The following DBN1 variants were observed in gnomAD, a reference collection of about 807,000 sequenced individuals.
DBN1 encodes the protein drebrin 1.
In DBN1, 21 loss-of-function variants were observed where a neutral mutation model predicts 83.5. That is an observed-to-expected ratio of 0.25 (90% confidence interval 0.18 to 0.36). The LOEUF (loss-of-function observed/expected upper bound fraction) is 0.36. DBN1 is among the 10% of genes least tolerant of loss of function. The probability of loss-of-function intolerance (pLI) is 1.00; values close to 1 mark genes in which losing one functional copy is unlikely to be tolerated. For missense variants in DBN1, 874 were observed against 935.7 expected (o/e 0.93, Z 0.86); for synonymous variants, 381 against 384.9 (o/e 0.99, Z 0.12).
At chr5:177,462,686 AGGT>A (rs1757136335) in intron 8 of DBN1, among the ~76,000 whole-genome samples, 1 of 152,188 alleles carries the variant, frequency 6.6e-6, no homozygotes, top group Non-Finnish European at 1.5e-5. Flanking sequence ...GGGGCTGCTA[AGGT>A]GGTGAAGTCC....
intron 8 of DBN1, among the ~76,000 whole-genome samples, chr5:177,461,584 A>G (rs1451862710): frequency 6.6e-6 from 1 of 152,040 alleles, no homozygotes; most frequent in African/African-American, 2.4e-5. Flanking sequence ...GCTCATCCCC[A>G]TATCTAAGCA....
At chr5:177,463,279 C>G (rs1016523719) in intron 8 of DBN1, among the ~76,000 whole-genome samples, 1 of 152,164 alleles carries the variant, frequency 6.6e-6, no homozygotes, top group African/African-American at 2.4e-5. Context: ...CCTCATGATC[C>G]GCCTGCCTTG....
chr5:177,466,706 C>T lies in DBN1; in HGVS notation c.771+66G>A. 10 of 1,572,562 alleles carry T rather than the reference C, an allele frequency of 6.4e-6. No homozygotes were observed. In the South Asian group the frequency reaches 1.1e-4, roughly 17 times the overall value. Reference sequence around the variant, plus strand: ...TGAGCCACTGATCTCCCCACAAGGCCCAGGAACACAGGGACCATTCTCACT... The same window carrying T: ...TGAGCCACTGATCTCCCCACAAGGCTCAGGAACACAGGGACCATTCTCACT... On this transcript the variant is annotated intron_variant, in intron 8 of 14. Coordinates refer to ENST00000393565, the MANE Select transcript of DBN1 (RefSeq NM_001363541.2). The surrounding 1 kb of genome is among the most constrained non-coding windows in gnomAD (Gnocchi z 4.8).
At position 177,468,872 on chromosome 5, in the gene DBN1, G is replaced by T; in HGVS notation, c.114C>A (p.Ser38=). Residue 38 remains serine, a synonymous_variant, in exon 2 of 15, where the codon TCC becomes TCA. Transcript: ENST00000393565. ...CTGATGCTGCAAGCTTGAGGTCATC[G>T]GAGCCATCTTCATATGTGTACAGAG... ...DWALYTYEDG[S]DDLKLAASGE... is the part of the protein sequence containing the mutation. 7.6e-7 allele frequency: 1 copy of T among 1,321,030 alleles called. No homozygotes were observed. The highest frequency in any genetic ancestry group is 1.5e-5 in the African/African-American group (1 of 66,524). 81.8% of individuals were successfully genotyped at this position (1,321,030 alleles called of 1,614,324 possible).
chr5:177,469,579 G>A (rs1005830973), intron 1 of DBN1, among the ~76,000 whole-genome samples: 1 of 152,226 alleles, frequency 6.6e-6, no homozygotes, highest in African/African-American at 2.4e-5. Flanking sequence ...CCAGCCCCTA[G>A]GCTGCCTCAG....
chr5:177,461,682 A>G (rs1023634138), intron 8 of DBN1, among the ~76,000 whole-genome samples: 1 of 152,004 alleles, frequency 6.6e-6, no homozygotes, highest in African/African-American at 2.4e-5. Context: ...CATGCTCCCA[A>G]TGTTGCTGCC....
At chr5:177,470,366 G>A (rs901948243) in intron 1 of DBN1, among the ~76,000 whole-genome samples, 1 of 152,180 alleles carries the variant, frequency 6.6e-6, no homozygotes. Flanking sequence ...AGAGACTGCT[G>A]TAGACATCAA....
rs546603737 is a variant in DBN1 at position 177,471,245 on chromosome 5, G to A, written c.86+2191C>T. Among the ~76,000 whole-genome samples, 13 of 152,232 alleles carry A rather than the reference G, an allele frequency of 8.5e-5. No homozygotes were observed. The East Asian group carries it at 2.3e-3, about 27-fold the overall frequency. Reference sequence around the variant, plus strand: ...ACTCTCAGGATGGTGGTGCTAGAAAGGCCTTCAGTATCCGAGGTAGTGCTG... The same window carrying A: ...ACTCTCAGGATGGTGGTGCTAGAAAAGCCTTCAGTATCCGAGGTAGTGCTG... On this transcript the variant is annotated intron_variant, in intron 1 of 14. Transcript: ENST00000393565.
intron 8 of DBN1, 145 bp from the exon 9 acceptor site, chr5:177,460,848 C>T (rs1028696124): frequency 2.1e-5 from 16 of 772,630 alleles, no homozygotes; most frequent in East Asian, 5.4e-5. Flanking sequence ...GGTACAATCA[C>T]GGCTCACTGC....
chr5:177,468,336 T>A, intron 2 of DBN1, 116 bp from the exon 3 acceptor site: 4 of 850,938 alleles, frequency 4.7e-6, no homozygotes, highest in Non-Finnish European at 5.8e-6. Flanking sequence ...AGGGGTCTTC[T>A]GGCCTCTGGG....
Position 177,458,472 on chromosome 5 carries a change from T to G in DBN1, c.1500A>C (p.Glu500Asp). 1.9e-6 allele frequency: 3 copies of G among 1,613,718 alleles called. No homozygotes were observed. Among genetic ancestry groups the G allele is most frequent in the Non-Finnish European group, 2.5e-6 (3 of 1,179,618 alleles). The change falls in exon 13 of 15, where the codon GAA (glutamate) becomes GAC (aspartate). Residue 500 changes from glutamate (E) to aspartate (D), a missense_variant. This residue lies in a region of DBN1 where 725 missense variants were observed against 719.7 expected (regional missense o/e 1.01). Coordinates refer to ENST00000393565, the MANE Select transcript of DBN1 (RefSeq NM_001363541.2). ...TEIHDAADTIETDTATADTTV... is the reference protein window; with the variant it reads ...TEIHDAADTIDTDTATADTTV... ...TGGTGTCAGCAGTGGCAGTGTCAGT[T>G]TCAATGGTGTCAGCTGCATCGTGGA...
At position 177,467,182 on chromosome 5, in the gene DBN1, AG is replaced by A. The variant is rs1757506352; in HGVS notation, c.555+72del. 1 of 1,606,736 alleles carries A rather than the reference AG, an allele frequency of 6.2e-7. No individual in the cohort carries two copies. The highest frequency in any genetic ancestry group is 1.1e-5 in the South Asian group (1 of 90,946). ...CACGTGGCATGGGCCATGCCACTGC[AG>A]TGAGGGACTCAGACCTGCCCCATGG... is the stretch of plus-strand genomic sequence containing the variant. On this transcript the variant is annotated intron_variant, in intron 6 of 14. Coordinates refer to ENST00000393565, the MANE Select transcript of DBN1 (RefSeq NM_001363541.2). This position sits in a 1 kb window ranked among gnomAD's most constrained non-coding sequence, Gnocchi z 9.1.
Position 177,466,954 on chromosome 5 carries a change from C to G in DBN1, c.664G>C (p.Glu222Gln). The G allele has an allele frequency of 6.2e-7, 1 of 1,612,834 alleles. No individual in the cohort carries two copies. Among genetic ancestry groups the G allele is most frequent in the Non-Finnish European group, 8.5e-7 (1 of 1,179,814 alleles). Residue 222 changes from glutamate (E) to glutamine (Q), a missense_variant, in exon 7 of 15, where the codon GAG becomes CAG. Physicochemically the swap from Glu to Gln is conservative, Grantham distance 29. Coordinates refer to ENST00000393565, the MANE Select transcript of DBN1 (RefSeq NM_001363541.2). The surrounding 1 kb of genome is among the most constrained non-coding windows in gnomAD (Gnocchi z 4.8). ...TGCTCCCGCTCCCGGTAGCGCCGCT[C>G]GCGCTCCTCTTGCTCCTGCCGCTCC... ...EQERQEQEER[E>Q]RRYREREQQI...
intron 1 of DBN1, chr5:177,472,500 C>A (rs1397907672): frequency 4.0e-6 from 4 of 1,000,766 alleles, no homozygotes; most frequent in Non-Finnish European, 5.2e-6. Flanking sequence ...AGCCCCAGAG[C>A]AGGTGGTCCA....
In DBN1 at chr5:177,459,637, G is replaced by A. The variant is rs1327749598; in HGVS notation, c.1059C>T (p.Cys353=). ...AGGAAGAGAGGTTTGGGGTGCGGTG[G>A]CAGGTGATATAGGGAAAGGGAGTCC... ...PPRTPFPYIT[C]HRTPNLSSSL... is the part of the protein sequence containing the mutation. The change falls in exon 11 of 15, where the codon TGC becomes TGT. Residue 353 remains cysteine, a synonymous_variant. Transcript: ENST00000393565. 5 of 1,576,058 alleles carry A rather than the reference G, an allele frequency of 3.2e-6. No homozygotes were observed. Among genetic ancestry groups the A allele is most frequent in the African/African-American group, 1.4e-5 (1 of 73,968 alleles).
chr5:177,472,537 A>T (rs1238985583), intron 1 of DBN1: 11 of 684,810 alleles, frequency 1.6e-5, no homozygotes, highest in Admixed American at 1.1e-4. Context: ...AGCGGGAGAC[A>T]ACAGCTGGGG....
At position 177,461,382 on chromosome 5, in the gene DBN1, G is replaced by A. The variant is rs960231809; in HGVS notation, c.772-679C>T. Reference sequence around the variant, plus strand: ...CAAAGTGCTGGGATTACAGGCGTGAGCCACCGCGCCCGGCCCCTTCTGGCC... The same window carrying A: ...CAAAGTGCTGGGATTACAGGCGTGAACCACCGCGCCCGGCCCCTTCTGGCC... On this transcript the variant is annotated intron_variant, in intron 8 of 14. Coordinates refer to ENST00000393565, the MANE Select transcript of DBN1 (RefSeq NM_001363541.2). Among the ~76,000 whole-genome samples, 16 of 151,990 alleles carry A rather than the reference G, an allele frequency of 1.1e-4. 1 individual carries two copies. Among genetic ancestry groups the A allele is most frequent in the Middle Eastern group, 3.4e-3 (1 of 294 alleles).
At chr5:177,472,294 G>T in intron 1 of DBN1, 1 of 1,584,756 alleles carries the variant, frequency 6.3e-7, no homozygotes. Context: ...GCCCAAGCGG[G>T]GTCCCTCAGA....
intron 1 of DBN1, chr5:177,473,119 T>C (rs1352685532): frequency 6.7e-6 from 1 of 150,080 alleles, no homozygotes; most frequent in East Asian, 2.0e-4. Context: ...GGGGGTAGGG[T>C]GGGGGATGGG....
Sources: allele counts gnomAD v4.1 joint callset (sites outside exome capture counted in the v4.1 genomes callset), GRCh38; gene constraint gnomAD v4.1.1; regional missense constraint gnomAD v4.1.1; non-coding constraint Gnocchi (gnomAD v3.1); transcripts MANE v1.5; gene names NCBI Gene and HGNC (gene_info 2026-07-23, HGNC 2026-07-21).